Variants in BMP5 observed in about 807,000 individuals in gnomAD.
The protein encoded by BMP5 is bone morphogenetic protein 5.
BMP5 carries 23 observed loss-of-function variants against 46.6 expected under a neutral mutation model. The ratio of observed to expected loss-of-function variants is 0.49; its 90% CI spans 0.35 to 0.70. The LOEUF (loss-of-function observed/expected upper bound fraction) is 0.70, where lower values mean the gene tolerates loss of function less well. Ranked by LOEUF, BMP5 falls within the 30% of genes least tolerant of loss-of-function variation. The pLI is 0.00. For missense variants in BMP5, 545 were observed against 565.6 expected (o/e 0.96, Z 0.37); for synonymous variants, 204 against 191.9 (o/e 1.06, Z -0.52).
intron 1 of BMP5, among the ~76,000 whole-genome samples, chr6:55,850,372 AGATAGATAGATAGATAGATAGATC>A (rs1455652406): frequency 6.0e-5 from 9 of 148,776 alleles, no homozygotes; most frequent in Non-Finnish European, 1.0e-4. Flanking sequence ...ATAGATAGAT[AGATAGATAGATAGATAGATAGATC>A]GATAGATATA....
intron 1 of BMP5, among the ~76,000 whole-genome samples, chr6:55,856,081 C>A (rs1158420408): frequency 6.6e-6 from 1 of 152,158 alleles, no homozygotes; most frequent in Non-Finnish European, 1.5e-5. Flanking sequence ...AAATACTAAT[C>A]TGTTCCTATA....
chr6:55,797,177 C>G (rs1353587207), intron 2 of BMP5, among the ~76,000 whole-genome samples: 1 of 152,104 alleles, frequency 6.6e-6, no homozygotes, highest in African/African-American at 2.4e-5. Context: ...TTCTTAAAAA[C>G]AAGTCCCCCC....
chr6:55,820,479 A>T (rs1409515480), intron 1 of BMP5, among the ~76,000 whole-genome samples: 1 of 151,802 alleles, frequency 6.6e-6, no homozygotes, highest in African/African-American at 2.4e-5. Flanking sequence ...GTGCAGTGGT[A>T]TGATCACCGC....
At chr6:55,850,396 C>A (rs9475431) in intron 1 of BMP5, among the ~76,000 whole-genome samples, 27,612 of 97,088 alleles carry the variant, frequency 0.28, 2,842 homozygotes, top group African/African-American at 0.43. Context: ...ATAGATAGAT[C>A]GATAGATATA....
intron 3 of BMP5, among the ~76,000 whole-genome samples, chr6:55,776,724 A>G (rs1259646091): frequency 6.6e-6 from 1 of 151,974 alleles, no homozygotes; most frequent in East Asian, 1.9e-4. Flanking sequence ...AATACAATAA[A>G]ATCAATTTTC....
intron 4 of BMP5, among the ~76,000 whole-genome samples, chr6:55,773,208 T>C (rs1361413327): frequency 6.6e-6 from 1 of 151,954 alleles, no homozygotes; most frequent in Non-Finnish European, 1.5e-5. Context: ...AATAGATAAG[T>C]ATGTGATACT....
rs550340949 is a variant in BMP5 at position 55,755,285 on chromosome 6, T to C, written c.*248A>G. ...GGACTCAGCATAACCCATTGAAAAT[T>C]ATACTAGATGATCTATTGTATAATG... On this transcript the variant is annotated 3_prime_UTR_variant, in exon 7 of 7. Transcript: ENST00000370830. The C allele has an allele frequency of 2.7e-4, 98 of 357,398 alleles. No homozygotes were observed. In the East Asian group the frequency reaches 3.4e-3, roughly 12 times the overall value. 22.1% of individuals were successfully genotyped at this position (357,398 alleles called of 1,614,324 possible). A position where few individuals can be genotyped will look rare whatever the true frequency, so the allele number is the denominator to read the frequency against.
rs1334378831 is a variant in BMP5, at chr6:55,874,530, T to C, written c.336A>G (p.Ala112=). The change falls in exon 1 of 7, where the codon GCA becomes GCG. Residue 112 remains alanine, a synonymous_variant. Coordinates refer to ENST00000370830, the MANE Select transcript of BMP5 (RefSeq NM_021073.4). ...TGGGAGAGGCTGGGTATCCCTTTCT[T>C]GCCCCTCTGGTCTCTTCTGCCAAGG... ...RASLAEETRG[A]RKGYPASPNG... 10 of 1,613,462 alleles carry C rather than the reference T, an allele frequency of 6.2e-6. No individual in the cohort carries two copies. The highest frequency in any genetic ancestry group is 8.5e-6 in the Non-Finnish European group (10 of 1,179,660).
rs9475433 is a variant in BMP5, at chr6:55,854,238, A to T, written c.490+20138T>A. On this transcript the variant is annotated intron_variant, in intron 1 of 6. Transcript: ENST00000370830. ...TTATGATTTTATCAAGTAGGAGTGA[A>T]GACAGATTAGCAGATCTGGACATCC... 4.2e-3 allele frequency among the ~76,000 whole-genome samples: 635 copies of T among 152,258 alleles called. 7 individuals carry two copies. Among genetic ancestry groups the T allele is most frequent in the African/African-American group, 0.015 (604 of 41,564 alleles).
At chr6:55,789,333 T>A (rs1775521819) in intron 3 of BMP5, among the ~76,000 whole-genome samples, 1 of 152,004 alleles carries the variant, frequency 6.6e-6, no homozygotes, top group African/African-American at 2.4e-5. Flanking sequence ...TATCTTTGTT[T>A]TTCAATCTCT....
At chr6:55,811,285 G>A (rs1007974050) in intron 2 of BMP5, among the ~76,000 whole-genome samples, 1 of 152,158 alleles carries the variant, frequency 6.6e-6, no homozygotes, top group Non-Finnish European at 1.5e-5. Flanking sequence ...AAGTACTGAA[G>A]GTGGCTAATG....
chr6:55,831,433 T>C (rs978392969), intron 1 of BMP5, among the ~76,000 whole-genome samples: 6 of 152,066 alleles, frequency 3.9e-5, no homozygotes, highest in Non-Finnish European at 8.8e-5. Context: ...AAAAAACTAC[T>C]ATATTATCCT....
intron 2 of BMP5, among the ~76,000 whole-genome samples, chr6:55,807,961 T>C (rs1173977022): frequency 6.6e-6 from 1 of 152,136 alleles, no homozygotes; most frequent in South Asian, 2.1e-4. Context: ...TTGGATGGCA[T>C]GGGGAGCAGG....
chr6:55,805,348 A>C (rs897500699), intron 2 of BMP5, among the ~76,000 whole-genome samples: 3 of 152,096 alleles, frequency 2.0e-5, no homozygotes, highest in African/African-American at 7.2e-5. Flanking sequence ...CCCGTCATCA[A>C]AGTTTTAAGC....
intron 3 of BMP5, among the ~76,000 whole-genome samples, chr6:55,775,740 C>A (rs1387442055): frequency 6.6e-6 from 1 of 151,854 alleles, no homozygotes; most frequent in Non-Finnish European, 1.5e-5. Flanking sequence ...GCATCAATGG[C>A]ATTTTAGCAA....
intron 3 of BMP5, among the ~76,000 whole-genome samples, chr6:55,789,196 G>A (rs1050666177): frequency 2.0e-5 from 3 of 151,858 alleles, no homozygotes; most frequent in Non-Finnish European, 4.4e-5. Context: ...AATTTTTCTT[G>A]ATGTATAAGC....
At chr6:55,866,440 A>G (rs1260643154) in intron 1 of BMP5, among the ~76,000 whole-genome samples, 1 of 152,216 alleles carries the variant, frequency 6.6e-6, no homozygotes, top group Non-Finnish European at 1.5e-5. Flanking sequence ...TGCCTGCAAC[A>G]TTAACTATGG....
chr6:55,861,839 A>C (rs1473107255), intron 1 of BMP5, among the ~76,000 whole-genome samples: 1 of 152,250 alleles, frequency 6.6e-6, no homozygotes, highest in Admixed American at 6.5e-5. Context: ...TCAACACAGC[A>C]GCCTTCTCAA....
intron 1 of BMP5, among the ~76,000 whole-genome samples, chr6:55,871,447 T>C (rs1777786021): frequency 6.6e-6 from 1 of 151,838 alleles, no homozygotes; most frequent in Non-Finnish European, 1.5e-5. Flanking sequence ...TTCTTCAAAA[T>C]AAACGAGTCA....
Sources: allele counts gnomAD v4.1 joint callset (sites outside exome capture counted in the v4.1 genomes callset), GRCh38; gene constraint gnomAD v4.1.1; transcripts MANE v1.5; gene names NCBI Gene and HGNC (gene_info 2026-07-23, HGNC 2026-07-21).